CNKSR1: variants seen among roughly 807,000 people sequenced by gnomAD.
CNKSR1 encodes CNK homolog protein 1.
CNKSR1 carries 88 observed loss-of-function variants against 95.6 expected under a neutral mutation model. That is an observed-to-expected ratio of 0.92 (90% CI 0.78 to 1.10). The LOEUF (loss-of-function observed/expected upper bound fraction) is 1.10, where lower values mean the gene tolerates loss of function less well. Ranked by LOEUF, CNKSR1 falls within the 50% of genes least tolerant of loss-of-function variation. CNKSR1 has a pLI of 0.00. For synonymous variants in CNKSR1, 355 were observed against 369.7 expected (o/e 0.96, Z 0.46); for missense variants, 836 against 912.0 (o/e 0.92, Z 1.07).
rs200744116 is a variant in CNKSR1, at chr1:26,185,053, G to A, written c.1175G>A (p.Arg392His). ...TRLSRRRVSC[R>H]ELGRPDCDGW... ...CTGAGCCGCCGGCGGGTGTCATGCC[G>A]TGAGCTGGGCCGGCCGGACTGTGAC... Residue 392 changes from arginine to histidine, a missense_variant, in exon 14 of 21, where the codon CGT becomes CAT. Transcript: ENST00000361530. The A allele has an allele frequency of 1.0e-5, 16 of 1,604,044 alleles. No homozygotes were observed. In the African/African-American group the frequency reaches 1.2e-4, roughly 12 times the overall value.
chr1:26,183,769 G>A lies in CNKSR1; in HGVS notation c.794G>A (p.Arg265Gln), dbSNP rs146760921. ...PRKNMVRELLREPAGLSLVLK... is the reference protein window; with the variant it reads ...PRKNMVRELLQEPAGLSLVLK... ...AAGAACATGGTGAGGGAACTGCTGCGGGAGCCAGCCGGACTCAGCTTAGTG... is the reference window on the plus strand; with the variant it reads ...AAGAACATGGTGAGGGAACTGCTGCAGGAGCCAGCCGGACTCAGCTTAGTG... The change falls in exon 9 of 21, where the codon CGG becomes CAG. Residue 265 changes from arginine (R) to glutamine (Q), a missense_variant. Arg to Gln is a conservative substitution (Grantham distance 43). Transcript: ENST00000361530. The A allele has an allele frequency of 2.2e-5, 36 of 1,613,572 alleles. No individual in the cohort carries two copies. Among genetic ancestry groups the A allele is most frequent in the Middle Eastern group, 1.6e-4 (1 of 6,084 alleles).
At chr1:26,188,550 G>A in intron 18 of CNKSR1, 47 bp downstream of exon 18, 2 of 1,610,404 alleles carry the variant, frequency 1.2e-6, no homozygotes, top group Non-Finnish European at 1.7e-6. Context: ...AAACAACAGG[G>A]CGTGGAGCTC....
chr1:26,177,632 G>A, intron 1 of CNKSR1, 33 bp downstream of exon 1: 5 of 1,613,126 alleles, frequency 3.1e-6, no homozygotes, highest in Non-Finnish European at 4.2e-6. Context: ...TGGGCTTGAA[G>A]GGGACTAGGT....
intron 11 of CNKSR1, 27 bp downstream of exon 11, chr1:26,184,314 C>T (rs759061601): frequency 1.4e-5 from 23 of 1,609,426 alleles, no homozygotes; most frequent in South Asian, 7.7e-5. Context: ...ATGGATGCCC[C>T]GGACACGGCA....
rs887255425 is a variant in CNKSR1, at chr1:26,184,931, G to T, written c.1136-83G>T. The T allele has an allele frequency of 4.4e-6, 6 of 1,365,740 alleles. No individual in the cohort carries two copies. In the African/African-American group the frequency reaches 7.2e-5, roughly 16 times the overall value. 84.6% of individuals were successfully genotyped at this position (1,365,740 alleles called of 1,614,324 possible). On this transcript the variant is annotated intron_variant, in intron 13 of 20. Transcript: ENST00000361530. ...TGTGGGTTCAGAGATCTCACTTGGG[G>T]ATGCTTGTGGAAGGCAGGGAGTAGG...
Position 26,189,342 on chromosome 1 carries a change from AAGTTCCGCC to A in CNKSR1, c.1940_1948del (p.Phe647_Gln649del), listed in dbSNP as rs1176084386. Reference sequence around the variant, plus strand: ...GGGTGACCCTGAGCTGACAGGAGAGAAGTTCCGCCAGTGGAAGGAGCAGAACCGGGAGCT... The same window carrying A: ...GGGTGACCCTGAGCTGACAGGAGAGAAGTGGAAGGAGCAGAACCGGGAGCT... On this transcript the variant is annotated inframe_deletion, in exon 21 of 21. Coordinates refer to ENST00000361530, the MANE Select transcript of CNKSR1 (RefSeq NM_006314.3). 6.2e-7 allele frequency: 1 copy of A among 1,614,124 alleles called. No individual in the cohort carries two copies. The highest frequency in any genetic ancestry group is 1.1e-5 in the South Asian group (1 of 91,086).
intron 13 of CNKSR1, 93 bp downstream of exon 13, chr1:26,184,705 A>T (rs113362437): frequency 1.4e-6 from 2 of 1,403,532 alleles, no homozygotes. Context: ...CATCCTTCCC[A>T]CACAGCCTCT....
At position 26,188,562 on chromosome 1, in the gene CNKSR1, G is replaced by C. The variant is rs764286374; in HGVS notation, c.1591-36G>C. 4 of 1,612,442 alleles carry C rather than the reference G, an allele frequency of 2.5e-6. No homozygotes were observed. The African/African-American group carries it at 4.0e-5, about 16-fold the overall frequency. ...GATAAACAACAGGGCGTGGAGCTCA[G>C]ACAGAAACCCTCTGTGCTTTCCACC... On this transcript the variant is annotated intron_variant, in intron 18 of 20. Transcript: ENST00000361530.
In CNKSR1 at chr1:26,184,574, TG is replaced by T; in HGVS notation, c.1108-10del. 1.9e-6 allele frequency: 3 copies of T among 1,608,296 alleles called. No homozygotes were observed. Among genetic ancestry groups the T allele is most frequent in the Non-Finnish European group, 2.5e-6 (3 of 1,177,580 alleles). On this transcript the variant is annotated splice_polypyrimidine_tract_variant and intron_variant, in intron 12 of 20. Coordinates refer to ENST00000361530, the MANE Select transcript of CNKSR1 (RefSeq NM_006314.3). The stretch of plus-strand genomic sequence containing the variant: ...CTAGATCCTTCTCTCACCCTTCTGC[TG>T]TCCTTTCAGAGTCCTGTTGGTCGGA...
chr1:26,180,186 G>A, intron 1 of CNKSR1: 1 of 532,752 alleles, frequency 1.9e-6, no homozygotes, highest in Admixed American at 3.2e-5. Flanking sequence ...CAGCAGGTGT[G>A]GGGTGAGGCC....
In CNKSR1 at chr1:26,182,293, C is replaced by T. The variant is rs371649956; in HGVS notation, c.478-68C>T. On this transcript the variant is annotated intron_variant, in intron 4 of 20. Coordinates refer to ENST00000361530, the MANE Select transcript of CNKSR1 (RefSeq NM_006314.3). Reference sequence around the variant, plus strand: ...GACTGTACGGAATCCCACCCTGCCCCCAGGAGAAGGCAGTCCCCTTATGGC... The same window carrying T: ...GACTGTACGGAATCCCACCCTGCCCTCAGGAGAAGGCAGTCCCCTTATGGC... 1.2e-4 allele frequency: 187 copies of T among 1,524,286 alleles called. No homozygotes were observed. In the East Asian group the frequency reaches 3.3e-3, roughly 27 times the overall value. The allele number at this position is 1,524,286 out of a possible 1,614,324, so 94.4% of individuals were successfully genotyped here. A position where few individuals can be genotyped will look rare whatever the true frequency, so the allele number is the denominator to read the frequency against.
chr1:26,183,737 G>A lies in CNKSR1; in HGVS notation c.762G>A (p.Trp254Ter). 1 of 1,612,036 alleles carries A rather than the reference G, an allele frequency of 6.2e-7. No individual in the cohort carries two copies. Among genetic ancestry groups the A allele is most frequent in the Non-Finnish European group, 8.5e-7 (1 of 1,178,184 alleles). ...GTGTTTCTGTCCCCCAGGTGGGATG[G>A]CCCCGTAAGAACATGGTGAGGGAAC... is the stretch of plus-strand genomic sequence containing the variant. ...VQINEQVVVG[W>*]PRKNMVRELL... is the part of the protein sequence containing the mutation. The change falls in exon 9 of 21, where the codon TGG (tryptophan) becomes TGA (stop). Residue 254 changes from tryptophan (W) to a stop codon, truncating the protein, a stop_gained. Coordinates refer to ENST00000361530, the MANE Select transcript of CNKSR1 (RefSeq NM_006314.3). LOFTEE classifies it high-confidence loss of function.
At chr1:26,189,207 G>A (rs2124518414) in intron 20 of CNKSR1, 72 bp from the exon 21 acceptor site, 1 of 1,580,616 alleles carries the variant, frequency 6.3e-7, no homozygotes, top group Non-Finnish European at 8.7e-7. Context: ...GACCTCCGGA[G>A]TGAAGTCTGG....
chr1:26,182,200 G>T, intron 4 of CNKSR1, 161 bp from the exon 5 acceptor site: 1 of 763,774 alleles, frequency 1.3e-6, no homozygotes, highest in Non-Finnish European at 2.2e-6. Context: ...AGGGAAACGA[G>T]CCCTCTGGTT....
chr1:26,182,276 G>C, intron 4 of CNKSR1, 85 bp from the exon 5 acceptor site: 1 of 1,383,580 alleles, frequency 7.2e-7, no homozygotes. Context: ...GGGACTGTAC[G>C]GAATCCCACC....
intron 20 of CNKSR1, 111 bp from the exon 21 acceptor site, chr1:26,189,168 G>A (rs1211102559): frequency 1.4e-5 from 20 of 1,422,756 alleles, no homozygotes; most frequent in East Asian, 2.3e-5. Flanking sequence ...CTCGTGCCAC[G>A]CTGGCCAGGT....
intron 1 of CNKSR1, 88 bp from the exon 2 acceptor site, chr1:26,180,365 A>AG: frequency 8.6e-6 from 13 of 1,515,616 alleles, no homozygotes; most frequent in Non-Finnish European, 1.2e-5. Flanking sequence ...GTTAGACTAG[A>AG]GGGAAAAGAG....
rs577428325 is a variant in CNKSR1 at position 26,180,346 on chromosome 1, G to A, written c.53-107G>A. On this transcript the variant is annotated intron_variant, in intron 1 of 20. Coordinates refer to ENST00000361530, the MANE Select transcript of CNKSR1 (RefSeq NM_006314.3). ...GCAGAACAGCCTGGGTGTCAGAGTT[G>A]TCATTAGGGTTAGACTAGAGGGAAA... 3.8e-5 allele frequency: 53 copies of A among 1,379,226 alleles called. No individual in the cohort carries two copies. The African/African-American group carries it at 5.8e-4, about 15-fold the overall frequency. The allele number at this position is 1,379,226 out of a possible 1,614,324, so 85.4% of individuals were successfully genotyped here. A position where few individuals can be genotyped will look rare whatever the true frequency, so the allele number is the denominator to read the frequency against.
intron 1 of CNKSR1, 156 bp from the exon 2 acceptor site, chr1:26,180,297 T>C: frequency 2.3e-6 from 2 of 875,182 alleles, no homozygotes; most frequent in Non-Finnish European, 3.7e-6. Context: ...GCTTCTCAAC[T>C]CAGTGGCCTC....
Sources: allele counts gnomAD v4.1 joint callset, GRCh38; gene constraint gnomAD v4.1.1; transcripts MANE v1.5; gene names NCBI Gene and HGNC (gene_info 2026-07-23, HGNC 2026-07-21).